The following E2F8 variants were observed in gnomAD, a reference collection of about 807,000 sequenced individuals.
E2F8 encodes transcription factor E2F8.
In E2F8, 35 loss-of-function variants were observed where a neutral mutation model predicts 80.8. The observed-to-expected ratio is 0.43, with a 90% CI of 0.33 to 0.57. The LOEUF (loss-of-function observed/expected upper bound fraction) is 0.57, where lower values mean the gene tolerates loss of function less well. Among genes scored for constraint, E2F8 ranks in the 20% least tolerant of loss-of-function variants. The probability of loss-of-function intolerance (pLI) is 0.04; values close to 1 mark genes in which losing one functional copy is unlikely to be tolerated. For missense variants in E2F8, 975 were observed against 1,056.2 expected (o/e 0.92, Z 1.07); for synonymous variants, 386 against 395.0 (o/e 0.98, Z 0.27).
chr11:19,231,946 A>C (rs1185014926), intron 7 of E2F8, among the ~76,000 whole-genome samples: 1 of 152,182 alleles, frequency 6.6e-6, no homozygotes, highest in African/African-American at 2.4e-5. Context: ...CAAAATAATA[A>C]AGCAGGATAA....
chr11:19,230,561 C>G, intron 8 of E2F8, 70 bp downstream of exon 8: 2 of 1,531,492 alleles, frequency 1.3e-6, no homozygotes, highest in African/African-American at 1.4e-5. Flanking sequence ...TTGCAAGGAT[C>G]AAGTAAGCTG....
chr11:19,224,514 T>C lies in E2F8; in HGVS notation c.*144A>G. 1 of 677,634 alleles carries C rather than the reference T, an allele frequency of 1.5e-6. No homozygotes were observed. The highest frequency in any genetic ancestry group is 2.1e-5 in the South Asian group (1 of 48,778). The allele number at this position is 677,634 out of a possible 1,614,324, so 42.0% of individuals were successfully genotyped here. A position where few individuals can be genotyped will look rare whatever the true frequency, so the allele number is the denominator to read the frequency against. ...GTGTGTGTGTATATATATATATGTA[T>C]GAAAACAACTATCTGATTTCACATT... On this transcript the variant is annotated 3_prime_UTR_variant, in exon 13 of 13. Coordinates refer to ENST00000250024, the MANE Select transcript of E2F8 (RefSeq NM_024680.4).
chr11:19,229,736 G>T lies in E2F8; in HGVS notation c.1611C>A (p.Pro537=), dbSNP rs1851324263. Reference sequence around the variant, plus strand: ...TGCACACCGTTGGGCTCAGGCCTTGGGGTGGCGTCACACTTTGGTGGGCTT... The same window carrying T: ...TGCACACCGTTGGGCTCAGGCCTTGTGGTGGCGTCACACTTTGGTGGGCTT... ...PTQAHQSVTP[P]QGLSPTVCTT... is the part of the protein sequence containing the mutation. The change falls in exon 10 of 13, where the codon CCC becomes CCA. Residue 537 remains proline (P), a synonymous_variant. Coordinates refer to ENST00000250024, the MANE Select transcript of E2F8 (RefSeq NM_024680.4). The surrounding 1 kb of genome is among the most constrained non-coding windows in gnomAD (Gnocchi z 4.3). 2 of 1,614,100 alleles carry T rather than the reference G, an allele frequency of 1.2e-6. No homozygotes were observed. The highest frequency in any genetic ancestry group is 1.7e-6 in the Non-Finnish European group (2 of 1,180,056).
rs1031867553 is a variant in E2F8, at chr11:19,232,248, C to T, written c.1052G>A (p.Ser351Asn). Residue 351 changes from serine (S) to asparagine (N), a missense_variant, in exon 7 of 13, where the codon AGT becomes AAT. Coordinates refer to ENST00000250024, the MANE Select transcript of E2F8 (RefSeq NM_024680.4). ...PAFKWTGPEI[S>N]PNTSGSSPVI... ...AAAATACATACCACTGGTATTTGGA[C>T]TGATTTCTGGGCCGGTCCATTTGAA... The T allele has an allele frequency of 6.2e-7, 1 of 1,613,896 alleles. No individual in the cohort carries two copies. Among genetic ancestry groups the T allele is most frequent in the Non-Finnish European group, 8.5e-7 (1 of 1,179,964 alleles).
rs1026940683 is a variant in E2F8, at chr11:19,224,497, G to GTGTGTA, written c.*160_*161insTACACA. 70 of 399,746 alleles carry GTGTGTA rather than the reference G, an allele frequency of 1.8e-4. No homozygotes were observed. Among genetic ancestry groups the GTGTGTA allele is most frequent in the African/African-American group, 1.2e-3 (59 of 48,244 alleles). 24.8% of individuals were successfully genotyped at this position (399,746 alleles called of 1,614,324 possible). A position where few individuals can be genotyped will look rare whatever the true frequency, so the allele number is the denominator to read the frequency against. On this transcript the variant is annotated 3_prime_UTR_variant, in exon 13 of 13. Coordinates refer to ENST00000250024, the MANE Select transcript of E2F8 (RefSeq NM_024680.4). ...TGTGTGTGTGTGTGTGTGTGTGTGT[G>GTGTGTA]TATATATATATATGTATGAAAACAA...
chr11:19,225,855 G>C lies in E2F8; in HGVS notation c.1903C>G (p.Pro635Ala), dbSNP rs781052784. ...GTGAGAGGGATTAGGTATCCTGATGGGAACAAGGTCTAGAAAACAAGGAGG... is the reference window on the plus strand; with the variant it reads ...GTGAGAGGGATTAGGTATCCTGATGCGAACAAGGTCTAGAAAACAAGGAGG... ...GLENVSATLF[P>A]SGYLIPLTQC... Residue 635 changes from proline (P) to alanine (A), a missense_variant, in exon 11 of 13, where the codon CCA (proline) becomes GCA (alanine). Transcript: ENST00000250024. The C allele has an allele frequency of 1.2e-6, 2 of 1,613,498 alleles. No individual in the cohort carries two copies. The highest frequency in any genetic ancestry group is 3.3e-5 in the Admixed American group (2 of 59,776).
intron 4 of E2F8, 92 bp from the exon 5 acceptor site, chr11:19,235,150 T>A: frequency 8.7e-7 from 1 of 1,149,244 alleles, no homozygotes; most frequent in South Asian, 1.6e-5. Context: ...AGTCAGTAGG[T>A]CTTGGATAAT....
chr11:19,230,799 A>G lies in E2F8; in HGVS notation c.1102T>C (p.Leu368=). The G allele has an allele frequency of 1.2e-6, 2 of 1,614,136 alleles. No homozygotes were observed. Among genetic ancestry groups the G allele is most frequent in the South Asian group, 1.1e-5 (1 of 91,078 alleles). The change falls in exon 8 of 13, where the codon TTG becomes CTG. Residue 368 remains leucine (L), a synonymous_variant. Transcript: ENST00000250024. ...SPVIHFTPSD[L]EVRRSSKENC... ...TCTTTTGAAGACCGTCTCACCTCCAAATCAGAGGGAGTAAAATGAATGACT... is the reference window on the plus strand; with the variant it reads ...TCTTTTGAAGACCGTCTCACCTCCAGATCAGAGGGAGTAAAATGAATGACT...
At chr11:19,226,102 G>A (rs1031518960) in intron 10 of E2F8, 4 of 508,602 alleles carry the variant, frequency 7.9e-6, no homozygotes, top group African/African-American at 7.6e-5. Context: ...GTGGTCTTAG[G>A]ACACCTTTGG....
chr11:19,238,136 G>C lies in E2F8; in HGVS notation c.16-4C>G. 6.3e-7 allele frequency: 1 copy of C among 1,594,448 alleles called. No homozygotes were observed. Among genetic ancestry groups the C allele is most frequent in the Non-Finnish European group, 8.5e-7 (1 of 1,172,420 alleles). ...GTGGCTCACAAAAGAGATTTTCCTG[G>C]TTTAAAAAATGTAAATAATTAAATC... On this transcript the variant is annotated splice_polypyrimidine_tract_variant and splice_region_variant and intron_variant, in intron 2 of 12. Coordinates refer to ENST00000250024, the MANE Select transcript of E2F8 (RefSeq NM_024680.4).
Position 19,230,626 on chromosome 11 carries a change from C to T in E2F8, c.1270+5G>A, listed in dbSNP as rs1293052093. On this transcript the variant is annotated splice_donor_5th_base_variant and intron_variant, in intron 8 of 12. Transcript: ENST00000250024. ...AGCAGATCCCTGACATTCCTGAAAA[C>T]ATACCTTTGTTGGTCTTGATAGGGC... 1.2e-6 allele frequency: 2 copies of T among 1,613,504 alleles called. No homozygotes were observed. Among genetic ancestry groups the T allele is most frequent in the East Asian group, 2.2e-5 (1 of 44,886 alleles).
chr11:19,229,156 G>C lies in E2F8; in HGVS notation c.1893+298C>G, dbSNP rs1416500653. 6.6e-6 allele frequency among the ~76,000 whole-genome samples: 1 copy of C among 152,160 alleles called. No homozygotes were observed. The highest frequency in any genetic ancestry group is 1.5e-5 in the Non-Finnish European group (1 of 68,020). ...TTACGTCTGCTTGTAAATTATTTAA[G>C]ACTTTCATGACAGCTGTTTGCATTC... On this transcript the variant is annotated intron_variant, in intron 10 of 12. Transcript: ENST00000250024. This position sits in a 1 kb window ranked among gnomAD's most constrained non-coding sequence, Gnocchi z 4.3.
rs1261668091 is a variant in E2F8 at position 19,224,491 on chromosome 11, G to C, written c.*167C>G. The C allele has an allele frequency of 4.1e-3, 2,290 of 553,896 alleles. 45 individuals carry two copies. The highest frequency in any genetic ancestry group is 0.04 in the African/African-American group (2,094 of 52,590). The allele number at this position is 553,896 out of a possible 1,614,324, so 34.3% of individuals were successfully genotyped here. A position where few individuals can be genotyped will look rare whatever the true frequency, so the allele number is the denominator to read the frequency against. On this transcript the variant is annotated 3_prime_UTR_variant, in exon 13 of 13. Coordinates refer to ENST00000250024, the MANE Select transcript of E2F8 (RefSeq NM_024680.4). Reference sequence around the variant, plus strand: ...TATATGTGTGTGTGTGTGTGTGTGTGTGTGTGTATATATATATATGTATGA... The same window carrying C: ...TATATGTGTGTGTGTGTGTGTGTGTCTGTGTGTATATATATATATGTATGA...
intron 6 of E2F8, 146 bp from the exon 7 acceptor site, chr11:19,232,517 G>A: frequency 1.6e-6 from 1 of 616,698 alleles, no homozygotes; most frequent in Non-Finnish European, 2.6e-6. Flanking sequence ...AAGTTCTTCT[G>A]GTGATACAAC....
Position 19,234,889 on chromosome 11 carries a change from C to G in E2F8, c.621G>C (p.Met207Ile). 1.2e-6 allele frequency: 2 copies of G among 1,614,184 alleles called. No homozygotes were observed. Among genetic ancestry groups the G allele is most frequent in the Non-Finnish European group, 1.7e-6 (2 of 1,180,038 alleles). Residue 207 changes from methionine to isoleucine, a missense_variant, in exon 5 of 13, where the codon ATG becomes ATC. Physicochemically the swap from Met to Ile is conservative, Grantham distance 10 (BLOSUM62 1). Coordinates refer to ENST00000250024, the MANE Select transcript of E2F8 (RefSeq NM_024680.4). ...GEENKYAEQI[M>I]MIKKKEYEQE... ...GCTCATATTCTTTCTTTTTGATCAT[C>G]ATAATCTGCTCGGCGTACTTATTCT... is the stretch of plus-strand genomic sequence containing the variant.
Position 19,224,387 on chromosome 11 carries a change from CT to C in E2F8, c.*270del, listed in dbSNP as rs1228987694. On this transcript the variant is annotated 3_prime_UTR_variant, in exon 13 of 13. Coordinates refer to ENST00000250024, the MANE Select transcript of E2F8 (RefSeq NM_024680.4). ...TAGCTAAAATAATGGATTTTTCCCCCTAGAAGTTAATATATCTTAGAGTTCA... is the reference window on the plus strand; with the variant it reads ...TAGCTAAAATAATGGATTTTTCCCCCAGAAGTTAATATATCTTAGAGTTCA... The C allele has an allele frequency of 1.0e-5, 3 of 287,152 alleles. No homozygotes were observed. The highest frequency in any genetic ancestry group is 1.7e-4 in the South Asian group (2 of 11,756). 17.8% of individuals were successfully genotyped at this position (287,152 alleles called of 1,614,324 possible). A position where few individuals can be genotyped will look rare whatever the true frequency, so the allele number is the denominator to read the frequency against.
chr11:19,233,503 T>C (rs563056483), intron 6 of E2F8, among the ~76,000 whole-genome samples: 1 of 152,242 alleles, frequency 6.6e-6, no homozygotes, highest in East Asian at 1.9e-4. Context: ...TTTCCTTTTT[T>C]TTGAGACAGA....
At position 19,237,950 on chromosome 11, in the gene E2F8, G is replaced by A. The variant is rs763610653; in HGVS notation, c.198C>T (p.Leu66=). The A allele has an allele frequency of 3.1e-6, 5 of 1,614,128 alleles. No individual in the cohort carries two copies. Among genetic ancestry groups the A allele is most frequent in the East Asian group, 2.2e-5 (1 of 44,870 alleles). The change falls in exon 3 of 13, where the codon CTC becomes CTT. Residue 66 remains leucine (L), a synonymous_variant. Transcript: ENST00000250024. ...PWTPTANLKM[L]ISAVSPEIRN... ...GGATCTCAGGGCTCACAGCACTGAT[G>A]AGCATTTTCAGGTTGGCTGTCGGTG...
In E2F8 at chr11:19,225,758, T is replaced by C; in HGVS notation, c.2000A>G (p.His667Arg). The change falls in exon 11 of 13, where the codon CAC becomes CGC. Residue 667 changes from histidine to arginine, a missense_variant. By Grantham distance (29) the His-to-Arg change is conservative. Transcript: ENST00000250024. ...TGCAATTGGGGAGCTGTAAATCCTG[T>C]GGTTTGGGGAAAGAGCACTTGAGTT... ...KENSSALSPN[H>R]RIYSSPIAGV... The C allele has an allele frequency of 6.2e-7, 1 of 1,614,200 alleles. No individual in the cohort carries two copies. Among genetic ancestry groups the C allele is most frequent in the Non-Finnish European group, 8.5e-7 (1 of 1,180,042 alleles).
Sources: gnomAD v4.1 joint callset for allele counts (sites outside exome capture counted in the v4.1 genomes callset) on GRCh38, gnomAD v4.1.1 for gene constraint, Gnocchi (gnomAD v3.1) non-coding constraint, MANE v1.5 for transcripts, NCBI Gene and HGNC (gene_info 2026-07-23, HGNC 2026-07-21) for gene names.